Variants in RBFOX3 observed in about 807,000 individuals in gnomAD.
The protein encoded by RBFOX3 is RNA binding protein fox-1 homolog 3.
Under a neutral mutation model 48.7 loss-of-function variants are expected in RBFOX3, and 17 were observed. The observed-to-expected ratio is 0.35, with a 90% CI of 0.24 to 0.52. RBFOX3 has a LOEUF of 0.52. Among genes scored for constraint, RBFOX3 ranks in the 20% least tolerant of loss-of-function variants. The probability of loss-of-function intolerance (pLI) is 0.94; values close to 1 mark genes in which losing one functional copy is unlikely to be tolerated. For synonymous variants in RBFOX3, 212 were observed against 209.5 expected, an observed-to-expected ratio of 1.01 and a Z score of -0.10; for missense variants, 382 against 497.5, an observed-to-expected ratio of 0.77 and a Z score of 2.21.
chr17:79,427,803 T>C (rs1231324371), intron 2 of RBFOX3, among the ~76,000 whole-genome samples: 2 of 152,256 alleles, frequency 1.3e-5, no homozygotes, highest in Non-Finnish European at 2.9e-5. Context: ...ATTTGCAACA[T>C]GCACAGGCGT....
chr17:79,236,806 C>CT (rs1271243781), intron 3 of RBFOX3, among the ~76,000 whole-genome samples: 1 of 152,152 alleles, frequency 6.6e-6, no homozygotes, highest in Non-Finnish European at 1.5e-5. Context: ...ACACGAGTGC[C>CT]TGGAGACCTT....
Position 79,311,868 on chromosome 17 carries a change from G to A in RBFOX3, c.-174-4044C>T, listed in dbSNP as rs139575230. ...TTGGGGGCAAGGACAGCATTCTCAC[G>A]AACCTGGAACAAACCGGCCCTCCTG... is the stretch of plus-strand genomic sequence containing the variant. On this transcript the variant is annotated intron_variant, in intron 2 of 14. Transcript: ENST00000693108. This position sits in a 1 kb window ranked among gnomAD's most constrained non-coding sequence, Gnocchi z 4.2. Among the ~76,000 whole-genome samples the A allele has an allele frequency of 3.3e-3, 509 of 152,210 alleles. No individual in the cohort carries two copies. The highest frequency in any genetic ancestry group is 5.3e-3 in the Non-Finnish European group (361 of 68,014).
intron 3 of RBFOX3, among the ~76,000 whole-genome samples, chr17:79,247,498 G>A (rs540442496): frequency 1.3e-5 from 2 of 152,052 alleles, no homozygotes; most frequent in African/African-American, 4.8e-5. Context: ...TTTGGGTAGA[G>A]ACAGGGTTTC....
chr17:79,593,438 A>G (rs1258670888), intron 1 of RBFOX3, among the ~76,000 whole-genome samples: 1 of 152,108 alleles, frequency 6.6e-6, no homozygotes, highest in Non-Finnish European at 1.5e-5. Flanking sequence ...CTTAATTCTA[A>G]TAAGCCTCCT....
intron 3 of RBFOX3, among the ~76,000 whole-genome samples, chr17:79,295,903 G>T (rs2074258820): frequency 1.3e-5 from 2 of 152,120 alleles, no homozygotes; most frequent in South Asian, 4.2e-4. Flanking sequence ...GGGAAGGGCG[G>T]TTATTTGTAA....
intron 2 of RBFOX3, among the ~76,000 whole-genome samples, chr17:79,419,632 C>T (rs1170578201): frequency 6.6e-6 from 1 of 152,228 alleles, no homozygotes; most frequent in Non-Finnish European, 1.5e-5. Context: ...ACGTTCACCT[C>T]TAAACGGGAG....
At chr17:79,323,631 G>GT (rs2078873905) in intron 2 of RBFOX3, among the ~76,000 whole-genome samples, 1 of 152,138 alleles carries the variant, frequency 6.6e-6, no homozygotes, top group African/African-American at 2.4e-5. Flanking sequence ...CCTCCCTGCA[G>GT]CGGGGGCTCG....
At chr17:79,194,749 TGTGG>T (rs759370820) in intron 4 of RBFOX3, among the ~76,000 whole-genome samples, 1,427 of 58,320 alleles carry the variant, frequency 0.024, 13 homozygotes, top group Non-Finnish European at 0.038. Flanking sequence ...TCCCTGTGTG[TGTGG>T]GTGTGTGTGT....
At chr17:79,239,835 G>A (rs191747859) in intron 3 of RBFOX3, among the ~76,000 whole-genome samples, 19 of 152,380 alleles carry the variant, frequency 1.2e-4, no homozygotes, top group Admixed American at 8.5e-4. Flanking sequence ...GACTCCAGAG[G>A]TCAGAGCTGG....
chr17:79,502,119 A>T (rs1043633720), intron 1 of RBFOX3, among the ~76,000 whole-genome samples: 43 of 152,342 alleles, frequency 2.8e-4, no homozygotes, highest in African/African-American at 1.0e-3. Context: ...GCTCATCTGA[A>T]AAATGGGGCT....
intron 13 of RBFOX3, 26 bp from the exon 14 acceptor site, chr17:79,094,555 TGGG>T: frequency 7.0e-6 from 2 of 286,530 alleles, no homozygotes; most frequent in Non-Finnish European, 9.9e-6. Context: ...GGAGGGGGAG[TGGG>T]AGGAGGGTGG....
intron 1 of RBFOX3, among the ~76,000 whole-genome samples, chr17:79,562,146 C>T (rs2092261088): frequency 1.3e-5 from 2 of 152,230 alleles, no homozygotes; most frequent in African/African-American, 4.8e-5. Flanking sequence ...TTGTGTTAAA[C>T]AAAGCCTTGT....
the RBFOX3 span, among the ~76,000 whole-genome samples, chr17:79,624,319 G>A: frequency 2.8e-4 from 42 of 152,108 alleles, no homozygotes; most frequent in Admixed American, 2.6e-3. Context: ...GGCCAAGTCC[G>A]GGCCACATGG....
Position 79,361,308 on chromosome 17 carries a change from G to C in RBFOX3, c.-174-53484C>G, listed in dbSNP as rs987282449. The stretch of plus-strand genomic sequence containing the variant: ...TTGGCGCCTTGATCCATTTGCCATC[G>C]GGGCTATCTGAGACGCTCATCGAGG... On this transcript the variant is annotated intron_variant, in intron 2 of 14. Coordinates refer to ENST00000693108, the MANE Select transcript of RBFOX3 (RefSeq NM_001350451.2). This position sits in a 1 kb window ranked among gnomAD's most constrained non-coding sequence, Gnocchi z 4.5. 1.3e-5 allele frequency among the ~76,000 whole-genome samples: 2 copies of C among 152,146 alleles called. No individual in the cohort carries two copies. The highest frequency in any genetic ancestry group is 4.8e-5 in the African/African-American group (2 of 41,436).
chr17:79,345,977 G>A (rs1242965627), intron 2 of RBFOX3, among the ~76,000 whole-genome samples: 1 of 152,110 alleles, frequency 6.6e-6, no homozygotes, highest in Non-Finnish European at 1.5e-5. Flanking sequence ...CTGGAATGCA[G>A]TGGTGTGATC....
At chr17:79,374,652 C>T (rs1191460550) in intron 2 of RBFOX3, among the ~76,000 whole-genome samples, 4 of 152,218 alleles carry the variant, frequency 2.6e-5, no homozygotes, top group Non-Finnish European at 4.4e-5. Flanking sequence ...CTTGAGGCTC[C>T]GTTCGCATGT....
chr17:79,422,703 T>TTCTG (rs55657551), intron 2 of RBFOX3, among the ~76,000 whole-genome samples: 29,500 of 149,528 alleles, frequency 0.2, 3,157 homozygotes, highest in East Asian at 0.41. Context: ...CCCTGGCTCT[T>TTCTG]CTCCATCACC....
chr17:79,317,503 C>G (rs2077701334), intron 2 of RBFOX3, among the ~76,000 whole-genome samples: 1 of 152,162 alleles, frequency 6.6e-6, no homozygotes, highest in Non-Finnish European at 1.5e-5. Context: ...TTGGGTCCAC[C>G]CTGGAGGGTT....
At chr17:79,591,286 G>A (rs1351215863) in intron 1 of RBFOX3, among the ~76,000 whole-genome samples, 1 of 152,190 alleles carries the variant, frequency 6.6e-6, no homozygotes, top group African/African-American at 2.4e-5. Flanking sequence ...CTGCTGGAAT[G>A]AGCCCACCTG....
Sources: allele counts gnomAD v4.1 joint callset (sites outside exome capture counted in the v4.1 genomes callset), GRCh38; gene constraint gnomAD v4.1.1; non-coding constraint Gnocchi (gnomAD v3.1); transcripts MANE v1.5; gene names NCBI Gene and HGNC (gene_info 2026-07-23, HGNC 2026-07-21).